Variants in POLR3B observed in about 807,000 individuals in gnomAD.
The protein encoded by POLR3B is RNA polymerase III subunit B.
POLR3B carries 96 observed loss-of-function variants against 147.4 expected under a neutral mutation model. The observed-to-expected ratio is 0.65, with a 90% CI of 0.55 to 0.77. The LOEUF is 0.77. Ranked by LOEUF, POLR3B falls within the 30% of genes least tolerant of loss-of-function variation. POLR3B has a pLI of 0.00. For synonymous variants in POLR3B, 461 were observed against 485.9 expected, an observed-to-expected ratio of 0.95 and a Z score of 0.67; for missense variants, 1,036 against 1,413.5, an observed-to-expected ratio of 0.73 and a Z score of 4.28.
intron 10 of POLR3B, among the ~76,000 whole-genome samples, chr12:106,397,360 A>G (rs76490678): frequency 0.023 from 3,459 of 152,282 alleles, 53 homozygotes; most frequent in Middle Eastern, 0.041. Flanking sequence ...TTTACAAGAT[A>G]TAGAATATTT....
intron 23 of POLR3B, among the ~76,000 whole-genome samples, chr12:106,478,858 G>C: frequency 6.6e-6 from 1 of 151,858 alleles, no homozygotes; most frequent in East Asian, 1.9e-4. Context: ...AGGTATAAAA[G>C]TCTAGGTTGA....
At chr12:106,446,893 G>A (rs1227243760) in intron 19 of POLR3B, among the ~76,000 whole-genome samples, 2 of 152,142 alleles carry the variant, frequency 1.3e-5, no homozygotes, top group African/African-American at 4.8e-5. Context: ...ATTGAGCAAA[G>A]TCTGCTTGAA....
chr12:106,358,194 G>A, intron 1 of POLR3B: 1 of 1,425,292 alleles, frequency 7.0e-7, no homozygotes, highest in Non-Finnish European at 9.1e-7. Context: ...CCCGCTGCTG[G>A]CTCTAGGGTT....
chr12:106,358,054 C>T, intron 1 of POLR3B, 103 bp downstream of exon 1: 2 of 1,555,524 alleles, frequency 1.3e-6, no homozygotes, highest in Non-Finnish European at 8.6e-7. Flanking sequence ...GCGGTTTGTG[C>T]GCATGCGCCG....
At chr12:106,437,643 G>A (rs1445501806) in intron 17 of POLR3B, 38 bp from the exon 18 acceptor site, 4 of 1,179,250 alleles carry the variant, frequency 3.4e-6, no homozygotes, top group Non-Finnish European at 5.1e-6. Context: ...GCAGAAAAAT[G>A]CTTTTTAATG....
intron 6 of POLR3B, among the ~76,000 whole-genome samples, chr12:106,371,934 TATA>T (rs1188560480): frequency 2.6e-5 from 4 of 151,852 alleles, no homozygotes; most frequent in Admixed American, 2.0e-4. Flanking sequence ...AAACTTAAAG[TATA>T]ATAATAATAA....
chr12:106,357,842 C>T lies in POLR3B; in HGVS notation c.-38C>T. ...TTGCTTGGTGCAGGGAAGGCGGGCG[C>T]GGAGGTTCTATCTGTTTCTTCCTCC... On this transcript the variant is annotated 5_prime_UTR_variant, in exon 1 of 28. Transcript: ENST00000228347. The T allele has an allele frequency of 1.3e-6, 2 of 1,598,980 alleles. No homozygotes were observed. Among genetic ancestry groups the T allele is most frequent in the Non-Finnish European group, 1.7e-6 (2 of 1,170,834 alleles).
intron 11 of POLR3B, among the ~76,000 whole-genome samples, chr12:106,407,606 G>A (rs1593023962): frequency 6.6e-6 from 1 of 152,082 alleles, no homozygotes; most frequent in Non-Finnish European, 1.5e-5. Flanking sequence ...GAGGCGGGCA[G>A]ATCACCTGAG....
At chr12:106,391,607 A>G (rs866046998) in intron 9 of POLR3B, among the ~76,000 whole-genome samples, 5 of 152,354 alleles carry the variant, frequency 3.3e-5, no homozygotes, top group Middle Eastern at 6.8e-3. Flanking sequence ...CAAATGTAGA[A>G]TCATAGCATT....
At chr12:106,451,128 A>C (rs769848977) in intron 19 of POLR3B, among the ~76,000 whole-genome samples, 11 of 152,180 alleles carry the variant, frequency 7.2e-5, no homozygotes, top group Non-Finnish European at 1.5e-4. Context: ...GTAACAATAC[A>C]GAACAGATCA....
At position 106,376,407 on chromosome 12, in the gene POLR3B, G is replaced by A. The variant is rs376395471; in HGVS notation, c.453G>A (p.Thr151=). ...CAAACTGTGTTCTTACAGGAAAAAC[G>A]CCAGCAGAATTTGCCAAACTGAACG... ...RSSNCVLTGK[T]PAEFAKLNEC... Residue 151 remains threonine, a synonymous_variant, in exon 7 of 28, where the codon ACG becomes ACA. Coordinates refer to ENST00000228347, the MANE Select transcript of POLR3B (RefSeq NM_018082.6). The A allele has an allele frequency of 2.0e-5, 33 of 1,613,472 alleles. No individual in the cohort carries two copies. The African/African-American group carries it at 2.1e-4, about 10-fold the overall frequency.
chr12:106,471,141 T>C (rs1307588619), intron 23 of POLR3B, among the ~76,000 whole-genome samples: 2 of 152,152 alleles, frequency 1.3e-5, no homozygotes, highest in Non-Finnish European at 2.9e-5. Flanking sequence ...ACTGTGAACA[T>C]GGAACTGCCT....
At chr12:106,426,559 C>A (rs1371091770) in intron 12 of POLR3B, among the ~76,000 whole-genome samples, 2 of 151,916 alleles carry the variant, frequency 1.3e-5, no homozygotes, top group African/African-American at 4.8e-5. Flanking sequence ...TCGTGATCAA[C>A]CCACCTTGGC....
chr12:106,366,391 G>T (rs951242615), intron 2 of POLR3B, 125 bp from the exon 3 acceptor site: 1 of 697,458 alleles, frequency 1.4e-6, no homozygotes, highest in Non-Finnish European at 2.6e-6. Context: ...TTCTCATTTT[G>T]ATTTTGATAA....
At chr12:106,438,311 G>A (rs1329183634) in intron 18 of POLR3B, among the ~76,000 whole-genome samples, 2 of 152,148 alleles carry the variant, frequency 1.3e-5, no homozygotes, top group Non-Finnish European at 2.9e-5. Context: ...TTTTATAGCA[G>A]AGCATAACGC....
intron 25 of POLR3B, 111 bp from the exon 26 acceptor site, chr12:106,501,212 T>C (rs2038595127): frequency 1.3e-6 from 1 of 752,726 alleles, no homozygotes; most frequent in Admixed American, 1.9e-5. Context: ...AAAATCATTC[T>C]TATCCAGTCA....
chr12:106,394,349 A>T (rs1355719303), intron 10 of POLR3B, among the ~76,000 whole-genome samples: 1 of 152,234 alleles, frequency 6.6e-6, no homozygotes, highest in Non-Finnish European at 1.5e-5. Context: ...CAAAAATGAA[A>T]TATTTGGTAG....
intron 26 of POLR3B, among the ~76,000 whole-genome samples, chr12:106,502,198 G>A (rs991986309): frequency 6.6e-6 from 1 of 152,084 alleles, no homozygotes; most frequent in Admixed American, 6.5e-5. Flanking sequence ...AGTAGGGAGA[G>A]GCCAGGGATG....
intron 10 of POLR3B, among the ~76,000 whole-genome samples, chr12:106,399,448 C>G (rs1283068676): frequency 6.6e-6 from 1 of 152,074 alleles, no homozygotes; most frequent in Non-Finnish European, 1.5e-5. Context: ...CAAGGCAGGC[C>G]AACATTCAAA....
Sources: allele counts gnomAD v4.1 joint callset (sites outside exome capture counted in the v4.1 genomes callset), GRCh38; gene constraint gnomAD v4.1.1; transcripts MANE v1.5; gene names NCBI Gene and HGNC (gene_info 2026-07-23, HGNC 2026-07-21).